The following NT5E variants were observed in gnomAD, a reference collection of about 807,000 sequenced individuals.
The protein encoded by NT5E is 5'-nucleotidase.
NT5E carries 53 observed loss-of-function variants against 55.1 expected under a neutral mutation model. That is an observed-to-expected ratio of 0.96 (90% CI 0.77 to 1.21). The LOEUF is 1.21. Ranked by LOEUF, NT5E falls within the 50% of genes most tolerant of loss-of-function variation. NT5E has a pLI of 0.00. For missense variants in NT5E, 683 were observed against 724.3 expected, an observed-to-expected ratio of 0.94 and a Z score of 0.65; for synonymous variants, 270 against 278.4, an observed-to-expected ratio of 0.97 and a Z score of 0.30.
intron 5 of NT5E, among the ~76,000 whole-genome samples, chr6:85,487,816 C>T (rs1769700122): frequency 6.6e-6 from 1 of 152,194 alleles, no homozygotes; most frequent in South Asian, 2.1e-4. Context: ...GATGTAGCTT[C>T]ATACTCAGTA....
chr6:85,479,021 T>C (rs1285336355), intron 3 of NT5E, among the ~76,000 whole-genome samples: 3 of 152,172 alleles, frequency 2.0e-5, no homozygotes, highest in Admixed American at 2.0e-4. Context: ...ATATTGGTCA[T>C]AAGGCGGTAG....
intron 1 of NT5E, among the ~76,000 whole-genome samples, chr6:85,459,629 G>A (rs543980321): frequency 2.4e-4 from 36 of 152,186 alleles, no homozygotes; most frequent in African/African-American, 8.7e-4. Flanking sequence ...CTGGAATTTT[G>A]CCTGATGTTT....
chr6:85,483,175 G>A (rs78256151), intron 3 of NT5E, among the ~76,000 whole-genome samples: 1 of 152,212 alleles, frequency 6.6e-6, no homozygotes, highest in Admixed American at 6.5e-5. Context: ...GCCAAAAAAA[G>A]ATCAGGCTTG....
chr6:85,463,285 T>C (rs933409253), intron 1 of NT5E, among the ~76,000 whole-genome samples: 5 of 152,180 alleles, frequency 3.3e-5, no homozygotes, highest in East Asian at 1.9e-4. Flanking sequence ...CAAGATGTCA[T>C]AGGGATAGAA....
At chr6:85,483,822 T>C (rs905114069) in intron 3 of NT5E, among the ~76,000 whole-genome samples, 1 of 152,092 alleles carries the variant, frequency 6.6e-6, no homozygotes, top group African/African-American at 2.4e-5. Flanking sequence ...GGGTTTGCAT[T>C]TGATTTGTTA....
intron 4 of NT5E, 52 bp from the exon 5 acceptor site, chr6:85,487,283 T>A: frequency 6.8e-7 from 1 of 1,462,766 alleles, no homozygotes; most frequent in Non-Finnish European, 9.6e-7. Context: ...TTTTCCAGAA[T>A]TTAGCCCAGT....
At chr6:85,471,822 G>T (rs139429278) in intron 3 of NT5E, among the ~76,000 whole-genome samples, 6 of 152,132 alleles carry the variant, frequency 3.9e-5, no homozygotes, top group East Asian at 3.9e-4. Flanking sequence ...TGTAAATAAG[G>T]ACCTTTATAA....
chr6:85,474,209 T>C (rs550762395), intron 3 of NT5E, among the ~76,000 whole-genome samples: 14 of 152,366 alleles, frequency 9.2e-5, no homozygotes, highest in African/African-American at 3.4e-4. Flanking sequence ...AGATTACTTA[T>C]AATACTTGAT....
chr6:85,492,321 C>T, intron 8 of NT5E, 144 bp downstream of exon 8: 1 of 694,650 alleles, frequency 1.4e-6, no homozygotes, highest in Non-Finnish European at 2.5e-6. Context: ...AGCAGCACAG[C>T]ACAGCAGAGA....
chr6:85,457,873 A>C (rs751942282), intron 1 of NT5E, among the ~76,000 whole-genome samples: 25 of 152,230 alleles, frequency 1.6e-4, no homozygotes, highest in African/African-American at 6.0e-4. Context: ...TCTTAACTAC[A>C]CAGAGGGACT....
In NT5E at chr6:85,487,236, G is replaced by A. The variant is rs998921977; in HGVS notation, c.950-99G>A. ...GCACACAAATATGGTAAACAAATAT[G>A]TTCTCACAGCAAGTAAGATAGATGA... On this transcript the variant is annotated intron_variant, in intron 4 of 8. Transcript: ENST00000257770. The A allele has an allele frequency of 1.3e-5, 14 of 1,113,866 alleles. No individual in the cohort carries two copies. In the Admixed American group the frequency reaches 2.3e-4, roughly 19 times the overall value. The allele number at this position is 1,113,866 out of a possible 1,614,324, so 69.0% of individuals were successfully genotyped here. A position where few individuals can be genotyped will look rare whatever the true frequency, so the allele number is the denominator to read the frequency against.
At chr6:85,481,347 C>A (rs978425368) in intron 3 of NT5E, among the ~76,000 whole-genome samples, 4 of 152,142 alleles carry the variant, frequency 2.6e-5, no homozygotes, top group African/African-American at 9.7e-5. Context: ...AAAAGGAGGA[C>A]TTGGCCAAGT....
rs1769741817 is a variant in NT5E, at chr6:85,489,598, T to C, written c.1209T>C (p.Asn403=). The C allele has an allele frequency of 6.2e-7, 1 of 1,607,938 alleles. No homozygotes were observed. ...GGTCGCCCATTGATGAACGCAACAA[T>C]GGTATGCTCCCAGGCCCAGCTCCTC... is the stretch of plus-strand genomic sequence containing the variant. ...GIRSPIDERN[N]GTITWENLAA... is the part of the protein sequence containing the mutation. The change falls in exon 6 of 9, where the codon AAT becomes AAC. Residue 403 remains asparagine (N), a splice_region_variant and synonymous_variant. Transcript: ENST00000257770.
At chr6:85,493,747 G>C in intron 8 of NT5E, 94 bp from the exon 9 acceptor site, 1 of 1,060,204 alleles carries the variant, frequency 9.4e-7, no homozygotes, top group Middle Eastern at 3.0e-4. Context: ...CCCTGCTTAT[G>C]AAATTGCTTC....
Position 85,489,602 on chromosome 6 carries a change from A to C in NT5E, c.1210+3A>C. On this transcript the variant is annotated splice_donor_region_variant and intron_variant, in intron 6 of 8. Transcript: ENST00000257770. ...GCCCATTGATGAACGCAACAATGGT[A>C]TGCTCCCAGGCCCAGCTCCTCAGTG... 1.3e-6 allele frequency: 2 copies of C among 1,599,528 alleles called. No homozygotes were observed. The highest frequency in any genetic ancestry group is 1.7e-6 in the Non-Finnish European group (2 of 1,167,264).
rs1769210130 is a variant in NT5E, at chr6:85,467,085, A to T, written c.365A>T (p.Asn122Ile). The T allele has an allele frequency of 6.2e-7, 1 of 1,613,976 alleles. No individual in the cohort carries two copies. Among genetic ancestry groups the T allele is most frequent in the African/African-American group, 1.3e-5 (1 of 74,932 alleles). ...GCACTGGGAAATCATGAATTTGATA[A>T]TGGTGTGGAAGGACTGATCGAGCCA... is the stretch of plus-strand genomic sequence containing the variant. ...AMALGNHEFDNGVEGLIEPLL... is the reference protein window; with the variant it reads ...AMALGNHEFDIGVEGLIEPLL... The change falls in exon 2 of 9, where the codon AAT becomes ATT. Residue 122 changes from asparagine (N) to isoleucine (I), a missense_variant. Asn to Ile is a moderately radical substitution (Grantham distance 149). Transcript: ENST00000257770.
intron 1 of NT5E, among the ~76,000 whole-genome samples, chr6:85,462,765 A>T (rs1264849786): frequency 6.6e-6 from 1 of 152,220 alleles, no homozygotes; most frequent in Non-Finnish European, 1.5e-5. Flanking sequence ...AGAAGTCAGG[A>T]TTTGAAACAA....
At chr6:85,460,641 CTA>C (rs778261481) in intron 1 of NT5E, among the ~76,000 whole-genome samples, 4 of 152,080 alleles carry the variant, frequency 2.6e-5, no homozygotes, top group African/African-American at 9.7e-5. Flanking sequence ...GTGCCAACTT[CTA>C]TGTTTTTTTT....
chr6:85,455,994 C>T (rs554959847), intron 1 of NT5E, among the ~76,000 whole-genome samples: 50 of 150,462 alleles, frequency 3.3e-4, no homozygotes, highest in East Asian at 1.2e-3. Context: ...GGGGGCTGGT[C>T]GCCAGAAAGA....
Sources: gnomAD v4.1 joint callset for allele counts (sites outside exome capture counted in the v4.1 genomes callset) on GRCh38, gnomAD v4.1.1 for gene constraint, MANE v1.5 for transcripts, NCBI Gene and HGNC (gene_info 2026-07-23, HGNC 2026-07-21) for gene names.